Variants in PASK observed in about 807,000 individuals in gnomAD.
PASK encodes the protein PAS domain-containing serine/threonine-protein kinase.
Under a neutral mutation model 121.0 loss-of-function variants are expected in PASK, and 110 were observed. The observed-to-expected ratio is 0.91, with a 90% CI of 0.78 to 1.06. The LOEUF (loss-of-function observed/expected upper bound fraction) is 1.06, where lower values mean the gene tolerates loss of function less well. Among genes scored for constraint, PASK ranks in the 50% least tolerant of loss-of-function variants. The pLI is 0.00. For synonymous variants in PASK, 686 were observed against 717.8 expected (o/e 0.96, Z 0.71); for missense variants, 1,643 against 1,702.3 (o/e 0.97, Z 0.61).
chr2:241,115,226 C>G lies in PASK; in HGVS notation c.3199-49G>C, dbSNP rs765189700. 3.1e-6 allele frequency: 5 copies of G among 1,613,832 alleles called. No individual in the cohort carries two copies. In the Admixed American group the frequency reaches 6.7e-5, roughly 22 times the overall value. ...CAACTCTACCAAAACATCTTCAAGT[C>G]AACAAATTGAAGACATTTGACATGA... On this transcript the variant is annotated intron_variant, in intron 13 of 17. Coordinates refer to ENST00000234040, the MANE Select transcript of PASK (RefSeq NM_015148.4).
At position 241,114,734 on chromosome 2, in the gene PASK, C is replaced by A. The variant is rs2065253255; in HGVS notation, c.3333+309G>T. Reference sequence around the variant, plus strand: ...GAGACGCTCTCTGGCTGCATCCTAACCCTTACTGGTTAATTTTTATGATTG... The same window carrying A: ...GAGACGCTCTCTGGCTGCATCCTAAACCTTACTGGTTAATTTTTATGATTG... On this transcript the variant is annotated intron_variant, in intron 14 of 17. Coordinates refer to ENST00000234040, the MANE Select transcript of PASK (RefSeq NM_015148.4). 1.0e-5 allele frequency: 14 copies of A among 1,376,770 alleles called. 1 individual carries two copies. The South Asian group carries it at 1.6e-4, about 16-fold the overall frequency. 85.3% of individuals were successfully genotyped at this position (1,376,770 alleles called of 1,614,324 possible). A position where few individuals can be genotyped will look rare whatever the true frequency, so the allele number is the denominator to read the frequency against.
At chr2:241,122,050 G>A (rs7584496) in intron 12 of PASK, among the ~76,000 whole-genome samples, 78,759 of 152,070 alleles carry the variant, frequency 0.52, 23,318 homozygotes, top group African/African-American at 0.82. Context: ...AAGTAACAAC[G>A]TATTTGTAAA....
rs764045481 is a variant in PASK at position 241,115,326 on chromosome 2, C to A, written c.3160G>T (p.Ala1054Ser). The A allele has an allele frequency of 5.0e-6, 8 of 1,613,754 alleles. No homozygotes were observed. In the East Asian group the frequency reaches 1.8e-4, roughly 36 times the overall value. The stretch of plus-strand genomic sequence containing the variant: ...GCGTGCTCCACCCTGGATAGAATTG[C>A]GATCTCTAAAGTAACTTTCCCAAGT... The part of the protein sequence containing the change: ...PKLGKVTLEI[A>S]ILSRVEHANI... Residue 1054 changes from alanine (A) to serine (S), a missense_variant, in exon 13 of 18, where the codon GCA (alanine) becomes TCA (serine). Physicochemically the swap from Ala to Ser is moderately conservative, Grantham distance 99. Coordinates refer to ENST00000234040, the MANE Select transcript of PASK (RefSeq NM_015148.4).
intron 12 of PASK, among the ~76,000 whole-genome samples, chr2:241,122,302 A>C (rs1056929256): frequency 6.6e-6 from 1 of 152,250 alleles, no homozygotes; most frequent in African/African-American, 2.4e-5. Flanking sequence ...GATTATAAAT[A>C]AGAAAAATTA....
intron 1 of PASK, among the ~76,000 whole-genome samples, chr2:241,144,608 C>T (rs1243930339): frequency 6.6e-6 from 1 of 152,216 alleles, no homozygotes; most frequent in East Asian, 1.9e-4. Flanking sequence ...CCAGGTCCTC[C>T]CACACTGGCA....
At position 241,112,178 on chromosome 2, in the gene PASK, A is replaced by C; in HGVS notation, c.3533+62T>G. On this transcript the variant is annotated intron_variant, in intron 15 of 17. Coordinates refer to ENST00000234040, the MANE Select transcript of PASK (RefSeq NM_015148.4). This position sits in a 1 kb window ranked among gnomAD's most constrained non-coding sequence, Gnocchi z 5.2. Reference sequence around the variant, plus strand: ...GAAGCCATTTTCCCACCCAAAATCAAGCCACCCTCAGGGTCCTGACAGAGG... The same window carrying C: ...GAAGCCATTTTCCCACCCAAAATCACGCCACCCTCAGGGTCCTGACAGAGG... 7.7e-7 allele frequency: 1 copy of C among 1,306,728 alleles called. No homozygotes were observed. Among genetic ancestry groups the C allele is most frequent in the East Asian group, 2.3e-5 (1 of 43,462 alleles). 80.9% of individuals were successfully genotyped at this position (1,306,728 alleles called of 1,614,324 possible). A position where few individuals can be genotyped will look rare whatever the true frequency, so the allele number is the denominator to read the frequency against.
At chr2:241,132,842 G>C in intron 9 of PASK, 32 bp downstream of exon 9, 3 of 1,587,772 alleles carry the variant, frequency 1.9e-6, no homozygotes, top group Middle Eastern at 1.7e-4. Flanking sequence ...TGGACTTTTA[G>C]TAAACCTGCA....
In PASK at chr2:241,106,539, T is replaced by C; in HGVS notation, c.*27A>G. On this transcript the variant is annotated 3_prime_UTR_variant, in exon 18 of 18. Coordinates refer to ENST00000234040, the MANE Select transcript of PASK (RefSeq NM_015148.4). ...AAACTGTGTGATTTTCCAAACCAAG[T>C]GGAGAAAAGCAGGAAGAAATTGGTG... 6.2e-7 allele frequency: 1 copy of C among 1,612,400 alleles called. No homozygotes were observed. The highest frequency in any genetic ancestry group is 8.5e-7 in the Non-Finnish European group (1 of 1,178,460).
chr2:241,139,013 A>G (rs113412930), intron 4 of PASK, among the ~76,000 whole-genome samples: 25 of 152,372 alleles, frequency 1.6e-4, no homozygotes, highest in African/African-American at 5.3e-4. Context: ...AGTAGATTTC[A>G]TTCTCAGTTC....
chr2:241,136,903 A>G, intron 7 of PASK, 101 bp downstream of exon 7: 1 of 1,112,736 alleles, frequency 9.0e-7, no homozygotes. Context: ...CGAGCTGGAG[A>G]GCTTGCCGGG....
At chr2:241,116,658 C>T (rs2065383661) in intron 12 of PASK, among the ~76,000 whole-genome samples, 1 of 152,226 alleles carries the variant, frequency 6.6e-6, no homozygotes, top group Non-Finnish European at 1.5e-5. Context: ...AAAAACAGTG[C>T]TACCACAGTC....
Position 241,128,684 on chromosome 2 carries a change from T to C in PASK, c.1464-1233A>G, listed in dbSNP as rs540671811. Among the ~76,000 whole-genome samples the C allele has an allele frequency of 7.9e-4, 120 of 152,146 alleles. 1 individual carries two copies. Among genetic ancestry groups the C allele is most frequent in the African/African-American group, 2.7e-3 (114 of 41,498 alleles). ...GAGTTCGAGACCAGCCTGGGCAACA[T>C]AGTGAGACCTCGTCTCTACAAAACA... is the stretch of plus-strand genomic sequence containing the variant. On this transcript the variant is annotated intron_variant, in intron 9 of 17. Transcript: ENST00000234040.
chr2:241,144,006 G>A (rs1424746256), intron 1 of PASK, among the ~76,000 whole-genome samples: 1 of 152,218 alleles, frequency 6.6e-6, no homozygotes, highest in Non-Finnish European at 1.5e-5. Context: ...ACATCTTACA[G>A]GAGAGTGTCA....
chr2:241,109,960 T>C (rs1350735532), intron 15 of PASK, among the ~76,000 whole-genome samples: 2 of 152,166 alleles, frequency 1.3e-5, no homozygotes, highest in African/African-American at 4.8e-5. Flanking sequence ...TCCATTCCAA[T>C]AAAACTTTAT....
At position 241,140,644 on chromosome 2, in the gene PASK, C is replaced by G. The variant is rs369591807; in HGVS notation, c.306G>C (p.Arg102=). 4.3e-6 allele frequency: 7 copies of G among 1,613,948 alleles called. No individual in the cohort carries two copies. The African/African-American group carries it at 6.7e-5, about 15-fold the overall frequency. Residue 102 remains arginine, a synonymous_variant, in exon 3 of 18, where the codon CGG becomes CGC. Transcript: ENST00000234040. ...APEHTDPSEP[R]GSVSCCSLLR... ...GCAGGGAGCAGCAGGACACACTGCCCCGCGGTTCGGACGGGTCCGTGTGCT... is the reference window on the plus strand; with the variant it reads ...GCAGGGAGCAGCAGGACACACTGCCGCGCGGTTCGGACGGGTCCGTGTGCT...
rs2067000842 is a variant in PASK at position 241,147,345 on chromosome 2, C to T, written c.-43+2069G>A. 2.6e-5 allele frequency among the ~76,000 whole-genome samples: 4 copies of T among 152,084 alleles called. No homozygotes were observed. In the South Asian group the frequency reaches 8.3e-4, roughly 32 times the overall value. Reference sequence around the variant, plus strand: ...TCTTCAGACTGCAATGTCAATGTTACAAAACTATTTTAAAAAGTCATATAC... The same window carrying T: ...TCTTCAGACTGCAATGTCAATGTTATAAAACTATTTTAAAAAGTCATATAC... On this transcript the variant is annotated intron_variant, in intron 1 of 17. Transcript: ENST00000234040.
chr2:241,119,218 C>T (rs987277374), intron 12 of PASK, among the ~76,000 whole-genome samples: 3 of 152,240 alleles, frequency 2.0e-5, no homozygotes, highest in Non-Finnish European at 2.9e-5. Flanking sequence ...CTGCCAGTAA[C>T]GGCGTCCGTC....
intron 9 of PASK, among the ~76,000 whole-genome samples, chr2:241,131,830 T>C (rs118036107): frequency 0.021 from 3,252 of 151,702 alleles, 239 homozygotes; most frequent in East Asian, 0.21. Flanking sequence ...CCAAGGCGGG[T>C]GGACCATGAG....
intron 9 of PASK, among the ~76,000 whole-genome samples, chr2:241,128,625 C>T (rs1252345353): frequency 1.3e-5 from 2 of 152,200 alleles, no homozygotes; most frequent in African/African-American, 4.8e-5. Flanking sequence ...TGGCCCACAC[C>T]TGTAATCCCA....
Sources: gnomAD v4.1 joint callset for allele counts (sites outside exome capture counted in the v4.1 genomes callset) on GRCh38, gnomAD v4.1.1 for gene constraint, Gnocchi (gnomAD v3.1) non-coding constraint, MANE v1.5 for transcripts, NCBI Gene and HGNC (gene_info 2026-07-23, HGNC 2026-07-21) for gene names.